The following TACC2 variants were observed in gnomAD, a reference collection of about 807,000 sequenced individuals.
TACC2 encodes transforming acidic coiled-coil-containing protein 2.
A neutral mutation model predicts 227.3 loss-of-function variants in TACC2; 137 were observed. The ratio of observed to expected loss-of-function variants is 0.60; its 90% CI spans 0.52 to 0.69. The LOEUF (loss-of-function observed/expected upper bound fraction) is 0.69, where lower values mean the gene tolerates loss of function less well. TACC2 is among the 30% of genes least tolerant of loss of function. The pLI is 0.00. For missense variants in TACC2, 3,470 were observed against 3,694.4 expected (o/e 0.94, Z 1.57); for synonymous variants, 1,523 against 1,487.5 (o/e 1.02, Z -0.55).
At chr10:122,000,943 C>T (rs1308845864) in intron 1 of TACC2, among the ~76,000 whole-genome samples, 1 of 152,192 alleles carries the variant, frequency 6.6e-6, no homozygotes, top group Non-Finnish European at 1.5e-5. Flanking sequence ...CTTCCTCAGC[C>T]TCCCGAGTAG....
At chr10:122,207,607 A>G (rs1216205434) in intron 8 of TACC2, among the ~76,000 whole-genome samples, 3 of 152,160 alleles carry the variant, frequency 2.0e-5, no homozygotes, top group African/African-American at 7.2e-5. Context: ...ACTGCCCCCA[A>G]ATGACCATAA....
chr10:122,132,067 A>AGGAAGGAAGGAAGGAAGG (rs57429902), intron 5 of TACC2, among the ~76,000 whole-genome samples: 6,369 of 28,358 alleles, frequency 0.22, 342 homozygotes, highest in Non-Finnish European at 0.29. Context: ...AAAGAAAGAA[A>AGGAAGGAAGGAAGGAAGG]AAGAAAGAAA....
At chr10:121,995,857 G>A (rs186094216) in intron 1 of TACC2, among the ~76,000 whole-genome samples, 133 of 152,098 alleles carry the variant, frequency 8.7e-4, no homozygotes, top group African/African-American at 3.0e-3. Context: ...GGGTTCAAGC[G>A]ATTCTCCTGC....
intron 16 of TACC2, among the ~76,000 whole-genome samples, chr10:122,233,490 C>T (rs1039127011): frequency 6.6e-6 from 1 of 152,218 alleles, no homozygotes; most frequent in Non-Finnish European, 1.5e-5. Flanking sequence ...TGTGGCCCCT[C>T]AGTCCTGGCT....
intron 5 of TACC2, among the ~76,000 whole-genome samples, chr10:122,108,010 G>GC (rs1235034535): frequency 6.7e-6 from 1 of 149,148 alleles, no homozygotes; most frequent in Non-Finnish European, 1.5e-5. Flanking sequence ...TCCCTCCTCA[G>GC]CCTCCCGAGT....
At chr10:122,111,698 G>C (rs1291082709) in intron 5 of TACC2, among the ~76,000 whole-genome samples, 1 of 150,798 alleles carries the variant, frequency 6.6e-6, no homozygotes, top group Non-Finnish European at 1.5e-5. Context: ...GTTTCACCAT[G>C]TTGGCCAGGA....
intron 5 of TACC2, among the ~76,000 whole-genome samples, chr10:122,092,014 C>T (rs906298012): frequency 1.3e-5 from 2 of 152,338 alleles, no homozygotes; most frequent in South Asian, 2.1e-4. Flanking sequence ...TTGATTCAAG[C>T]GCTGGAGCGT....
chr10:122,222,902 A>G (rs1291336223), intron 11 of TACC2, among the ~76,000 whole-genome samples: 1 of 152,210 alleles, frequency 6.6e-6, no homozygotes, highest in Non-Finnish European at 1.5e-5. Flanking sequence ...CTGATTCACT[A>G]TTATTTTCTC....
At chr10:122,029,953 A>C (rs1371503816) in intron 2 of TACC2, among the ~76,000 whole-genome samples, 1 of 152,104 alleles carries the variant, frequency 6.6e-6, no homozygotes, top group Non-Finnish European at 1.5e-5. Flanking sequence ...TTTGTGCTTC[A>C]GGGGACATTT....
chr10:122,222,483 G>A (rs778904663), intron 11 of TACC2, among the ~76,000 whole-genome samples: 1 of 152,302 alleles, frequency 6.6e-6, no homozygotes, highest in Admixed American at 6.5e-5. Flanking sequence ...CTGAAACCAG[G>A]CATCTCACAA....
rs183971592 is a variant in TACC2 at position 122,027,270 on chromosome 10, C to T, written c.33+5256C>T. ...TGTATATCTCATTTGGTGAGGTGTCCGTTCAGGTCTTTGGCCCATTTTAAA... is the reference window on the plus strand; with the variant it reads ...TGTATATCTCATTTGGTGAGGTGTCTGTTCAGGTCTTTGGCCCATTTTAAA... On this transcript the variant is annotated intron_variant, in intron 2 of 22. Coordinates refer to ENST00000369005, the MANE Select transcript of TACC2 (RefSeq NM_206862.4). Among the ~76,000 whole-genome samples, 9 of 152,178 alleles carry T rather than the reference C, an allele frequency of 5.9e-5. No homozygotes were observed. The East Asian group carries it at 7.7e-4, about 13-fold the overall frequency.
At chr10:122,169,015 T>A (rs2093340038) in intron 7 of TACC2, among the ~76,000 whole-genome samples, 1 of 152,218 alleles carries the variant, frequency 6.6e-6, no homozygotes, top group African/African-American at 2.4e-5. Context: ...GATGCTTTGT[T>A]TCAGGTTGGA....
chr10:122,093,849 T>G (rs1015717265), intron 5 of TACC2, among the ~76,000 whole-genome samples: 1 of 152,226 alleles, frequency 6.6e-6, no homozygotes, highest in Non-Finnish European at 1.5e-5. Context: ...TTGAAATGTA[T>G]TTCTTCGAAA....
chr10:122,249,955 G>A (rs1233569809), intron 22 of TACC2, among the ~76,000 whole-genome samples: 3 of 152,226 alleles, frequency 2.0e-5, no homozygotes, highest in African/African-American at 7.2e-5. Context: ...TGCCTACAAT[G>A]TGTTAGGCGT....
intron 5 of TACC2, among the ~76,000 whole-genome samples, chr10:122,092,677 G>T (rs182311519): frequency 2.0e-5 from 3 of 152,308 alleles, no homozygotes; most frequent in African/African-American, 7.2e-5. Flanking sequence ...ATATCCTGTG[G>T]CTTTGCCTAC....
intron 1 of TACC2, chr10:121,994,776 A>G (rs971125443): frequency 6.6e-6 from 1 of 152,352 alleles, no homozygotes; most frequent in East Asian, 1.9e-4. Flanking sequence ...CGGTTTGACT[A>G]CTGAGATTAG....
At chr10:122,241,863 C>G in intron 18 of TACC2, 95 bp from the exon 19 acceptor site, 1 of 1,181,066 alleles carries the variant, frequency 8.5e-7, no homozygotes. Context: ...AAGTTGGGGC[C>G]CTGCTGGACA....
At chr10:121,992,910 G>A (rs968784768) in intron 1 of TACC2, among the ~76,000 whole-genome samples, 6 of 151,438 alleles carry the variant, frequency 4.0e-5, no homozygotes, top group African/African-American at 9.7e-5. Context: ...AGCCAAGATC[G>A]TGCCACTGCA....
intron 5 of TACC2, among the ~76,000 whole-genome samples, chr10:122,114,277 G>A (rs2084220813): frequency 6.6e-6 from 1 of 152,152 alleles, no homozygotes; most frequent in Non-Finnish European, 1.5e-5. Context: ...TCCTTATTGA[G>A]GCCACATTTT....
Sources: gnomAD v4.1 joint callset for allele counts (sites outside exome capture counted in the v4.1 genomes callset) on GRCh38, gnomAD v4.1.1 for gene constraint, MANE v1.5 for transcripts, NCBI Gene and HGNC (gene_info 2026-07-23, HGNC 2026-07-21) for gene names.